Variants in SHTN1 observed in about 807,000 individuals in gnomAD.
SHTN1 encodes shootin-1.
A neutral mutation model predicts 83.1 loss-of-function variants in SHTN1; 42 were observed. The observed-to-expected ratio is 0.51, with a 90% CI of 0.39 to 0.65. SHTN1 has a LOEUF of 0.65. Among genes scored for constraint, SHTN1 ranks in the 30% least tolerant of loss-of-function variants. The pLI, the probability that SHTN1 is intolerant of heterozygous loss-of-function variation, is 0.00. For synonymous variants in SHTN1, 224 were observed against 247.7 expected, an observed-to-expected ratio of 0.90 and a Z score of 0.90; for missense variants, 622 against 737.8, an observed-to-expected ratio of 0.84 and a Z score of 1.82.
intron 4 of SHTN1, among the ~76,000 whole-genome samples, chr10:116,957,785 C>T (rs561158664): frequency 2.0e-5 from 3 of 152,120 alleles, no homozygotes; most frequent in African/African-American, 4.8e-5. Flanking sequence ...AGGAACTGGG[C>T]GCAGTGGCTC....
At chr10:117,001,208 C>T (rs1423734216) in intron 1 of SHTN1, among the ~76,000 whole-genome samples, 1 of 151,992 alleles carries the variant, frequency 6.6e-6, no homozygotes, top group Non-Finnish European at 1.5e-5. Flanking sequence ...ATTACCTCAA[C>T]ATCTGCTTGA....
At position 117,126,385 on chromosome 10, in the gene SHTN1, AC is replaced by A. The variant is rs546722942; in HGVS notation, c.-268del. 161 of 178,706 alleles carry A rather than the reference AC, an allele frequency of 9.0e-4. 3 individuals carry two copies. In the South Asian group the frequency reaches 0.015, roughly 16 times the overall value. 11.1% of individuals were successfully genotyped at this position (178,706 alleles called of 1,614,324 possible). A position where few individuals can be genotyped will look rare whatever the true frequency, so the allele number is the denominator to read the frequency against. On this transcript the variant is annotated 5_prime_UTR_variant, in exon 1 of 18. Transcript: ENST00000392901. Reference sequence around the variant, plus strand: ...TGCGTGAGGTGCCGGGTCCAGGCTCACAGGAGGAGAGCTCCAGGAGTCCCTA... The same window carrying A: ...TGCGTGAGGTGCCGGGTCCAGGCTCAAGGAGGAGAGCTCCAGGAGTCCCTA...
chr10:117,016,945 A>G (rs1852188963), intron 2 of SHTN1, among the ~76,000 whole-genome samples: 1 of 152,184 alleles, frequency 6.6e-6, no homozygotes, highest in Non-Finnish European at 1.5e-5. Context: ...AGAAACAGTG[A>G]TAAACCACAA....
At chr10:117,063,403 TC>T (rs1564946337) in intron 1 of SHTN1, among the ~76,000 whole-genome samples, 1 of 152,292 alleles carries the variant, frequency 6.6e-6, no homozygotes, top group East Asian at 1.9e-4. Context: ...CTTTGGGCAC[TC>T]CCAGGTTCTA....
intron 9 of SHTN1, among the ~76,000 whole-genome samples, chr10:116,931,751 A>G (rs1589817953): frequency 6.6e-6 from 1 of 152,254 alleles, no homozygotes; most frequent in East Asian, 1.9e-4. Flanking sequence ...GTATGATTCA[A>G]TTTAAACAAA....
chr10:117,106,368 T>C (rs1455157372), intron 1 of SHTN1, among the ~76,000 whole-genome samples: 3 of 151,756 alleles, frequency 2.0e-5, no homozygotes, highest in East Asian at 1.9e-4. Context: ...GGCAGGAGAA[T>C]TGCTTGAACC....
chr10:116,990,287 C>CCT (rs1851378106), intron 1 of SHTN1, among the ~76,000 whole-genome samples: 1 of 119,920 alleles, frequency 8.3e-6, no homozygotes, highest in African/African-American at 3.2e-5. Context: ...TTTTTTCTTT[C>CCT]TTTTTTTTTT....
chr10:117,092,989 C>T (rs1041642420), intron 1 of SHTN1, among the ~76,000 whole-genome samples: 1 of 152,108 alleles, frequency 6.6e-6, no homozygotes, highest in Non-Finnish European at 1.5e-5. Context: ...ACAATAAATG[C>T]AAGAATAGCA....
intron 1 of SHTN1, among the ~76,000 whole-genome samples, chr10:117,002,738 G>A (rs528593798): frequency 6.6e-6 from 1 of 152,116 alleles, no homozygotes; most frequent in African/African-American, 2.4e-5. Context: ...CAAACTACCT[G>A]GTTTTGAAAT....
chr10:116,907,000 G>C (rs1483617002), intron 14 of SHTN1, among the ~76,000 whole-genome samples: 3 of 152,180 alleles, frequency 2.0e-5, no homozygotes, highest in Non-Finnish European at 4.4e-5. Flanking sequence ...AACACTTCTG[G>C]AAGAGGTGAC....
rs546161950 is a variant in SHTN1, at chr10:116,944,296, T to C, written c.711+628A>G. ...TTTCCCTTACATAGCATTTTATAGT[T>C]TATACAACACTTTTTTTAAATTTTG... is the stretch of plus-strand genomic sequence containing the variant. On this transcript the variant is annotated intron_variant, in intron 8 of 16. Coordinates refer to ENST00000355371, the MANE Select transcript of SHTN1 (RefSeq NM_001127211.3). Among the ~76,000 whole-genome samples the C allele has an allele frequency of 2.0e-5, 3 of 152,296 alleles. No individual in the cohort carries two copies. The East Asian group carries it at 5.8e-4, about 29-fold the overall frequency.
chr10:117,034,857 T>C (rs1852472848), intron 2 of SHTN1, among the ~76,000 whole-genome samples: 2 of 152,136 alleles, frequency 1.3e-5, no homozygotes, highest in Admixed American at 1.3e-4. Flanking sequence ...AGATATTCTA[T>C]ATTCATGAAT....
At chr10:117,000,575 T>G (rs745331320) in intron 1 of SHTN1, among the ~76,000 whole-genome samples, 41 of 152,326 alleles carry the variant, frequency 2.7e-4, no homozygotes, top group Middle Eastern at 6.8e-3. Flanking sequence ...ATGTATGTCC[T>G]TATTATTAAA....
chr10:116,939,234 A>T (rs1849277413), intron 9 of SHTN1, among the ~76,000 whole-genome samples: 1 of 152,158 alleles, frequency 6.6e-6, no homozygotes, highest in African/African-American at 2.4e-5. Context: ...TCCTGCAGCT[A>T]GTTTGGTGTC....
chr10:116,983,979 G>A (rs760448025), intron 1 of SHTN1, among the ~76,000 whole-genome samples: 18 of 152,154 alleles, frequency 1.2e-4, no homozygotes, highest in Non-Finnish European at 2.2e-4. Context: ...GACATAGCCA[G>A]CCCAACAGGC....
intron 7 of SHTN1, among the ~76,000 whole-genome samples, chr10:116,947,933 G>T (rs1273074270): frequency 1.3e-5 from 2 of 152,042 alleles, no homozygotes. Flanking sequence ...TAACTACAAG[G>T]TCCTTTATTT....
chr10:117,107,802 C>T (rs1447286939), intron 1 of SHTN1, among the ~76,000 whole-genome samples: 1 of 152,096 alleles, frequency 6.6e-6, no homozygotes, highest in Non-Finnish European at 1.5e-5. Flanking sequence ...GGGAGGTTTC[C>T]CTCAGCAATT....
intron 2 of SHTN1, among the ~76,000 whole-genome samples, chr10:117,017,794 TTAAC>T (rs1285377279): frequency 7.2e-5 from 11 of 152,138 alleles, no homozygotes; most frequent in Non-Finnish European, 1.6e-4. Flanking sequence ...AGACGGCAGT[TTAAC>T]TAAGTGATCA....
chr10:117,007,172 G>C (rs1370443139), upstream of SHTN1, among the ~76,000 whole-genome samples: 1 of 151,928 alleles, frequency 6.6e-6, no homozygotes, highest in Non-Finnish European at 1.5e-5. Context: ...AAAAAATCCG[G>C]GAGATTTTAA....
Sources: gnomAD v4.1 joint callset for allele counts (sites outside exome capture counted in the v4.1 genomes callset) on GRCh38, gnomAD v4.1.1 for gene constraint, MANE v1.5 for transcripts, NCBI Gene and HGNC (gene_info 2026-07-23, HGNC 2026-07-21) for gene names.